The following MTMR11 variants were observed in gnomAD, a reference collection of about 807,000 sequenced individuals.
MTMR11 encodes the protein myotubularin related protein 11, also known as myotubularin-related protein 11.
Under a neutral mutation model 100.0 loss-of-function variants are expected in MTMR11, and 89 were observed. The ratio of observed to expected loss-of-function variants is 0.89; its 90% CI spans 0.75 to 1.06. The LOEUF is 1.06. Among genes scored for constraint, MTMR11 ranks in the 50% least tolerant of loss-of-function variants. The probability of loss-of-function intolerance (pLI) is 0.00; values close to 1 mark genes in which losing one functional copy is unlikely to be tolerated. For missense variants in MTMR11, 809 were observed against 873.7 expected (o/e 0.93, Z 0.93); for synonymous variants, 336 against 326.3 (o/e 1.03, Z -0.32).
Position 149,928,989 on chromosome 1 carries a change from G to A in MTMR11, c.*140C>T, listed in dbSNP as rs587665043. The A allele has an allele frequency of 2.1e-5, 34 of 1,609,400 alleles. No individual in the cohort carries two copies. The East Asian group carries it at 7.6e-4, about 36-fold the overall frequency. ...AAAAATATTTGTAGAAACTAAGCAA[G>A]ACAAGAGTTGGAGCAGTTAACACCA... On this transcript the variant is annotated 3_prime_UTR_variant, in exon 17 of 17. Transcript: ENST00000439741.
rs2092623078 is a variant in MTMR11 at position 149,929,265 on chromosome 1, A to C, written c.1994T>G (p.Leu665Arg). ...ISGLQDELSH[L>R]QELLRKWTPR... Reference sequence around the variant, plus strand: ...TGTCCATTTCCGTAATAACTCCTGAAGATGGGATAGCTCATCCTGGAGGCC... The same window carrying C: ...TGTCCATTTCCGTAATAACTCCTGACGATGGGATAGCTCATCCTGGAGGCC... The change falls in exon 17 of 17, where the codon CTT (leucine) becomes CGT (arginine). Residue 665 changes from leucine to arginine, a missense_variant. By Grantham distance (102) the Leu-to-Arg change is moderately radical (BLOSUM62 -2). Transcript: ENST00000439741. 6.2e-7 allele frequency: 1 copy of C among 1,614,070 alleles called. No homozygotes were observed. Among genetic ancestry groups the C allele is most frequent in the African/African-American group, 1.3e-5 (1 of 74,936 alleles).
intron 15 of MTMR11, 21 bp from the exon 16 acceptor site, chr1:149,929,937 A>C: frequency 6.2e-7 from 1 of 1,600,976 alleles, no homozygotes; most frequent in Non-Finnish European, 8.5e-7. Flanking sequence ...AAGAAAATCA[A>C]CTGGCAACAG....
intron 15 of MTMR11, 62 bp from the exon 16 acceptor site, chr1:149,929,978 TG>T: frequency 1.3e-6 from 2 of 1,533,212 alleles, no homozygotes; most frequent in Non-Finnish European, 1.8e-6. Flanking sequence ...TTCCCCAATC[TG>T]GATCAGGACA....
chr1:149,932,233 T>C, intron 11 of MTMR11, 31 bp downstream of exon 11: 1 of 1,606,142 alleles, frequency 6.2e-7, no homozygotes, highest in Non-Finnish European at 8.5e-7. Flanking sequence ...GGTTGAATTA[T>C]AAATGATGGC....
chr1:149,935,765 A>G, intron 2 of MTMR11, 60 bp from the exon 3 acceptor site: 2 of 1,500,802 alleles, frequency 1.3e-6, no homozygotes, highest in African/African-American at 1.4e-5. Flanking sequence ...ACACTTGGAT[A>G]CACCCACCCC....
chr1:149,935,169 A>G, intron 4 of MTMR11, 41 bp from the exon 5 acceptor site: 1 of 1,612,712 alleles, frequency 6.2e-7, no homozygotes, highest in Non-Finnish European at 8.5e-7. Flanking sequence ...CATGGACCAG[A>G]GTCTCTCCAG....
rs139642077 is a variant in MTMR11 at position 149,929,784 on chromosome 1, G to T, written c.1780C>A (p.Arg594=). Residue 594 remains arginine (R), a synonymous_variant, in exon 16 of 17, where the codon CGA becomes AGA. Transcript: ENST00000439741. Reference sequence around the variant, plus strand: ...AGGCTTTCAGAGGAGATAGCAGGTCGAGGGAGCCAACGAGAAGAGACTGCC... The same window carrying T: ...AGGCTTTCAGAGGAGATAGCAGGTCTAGGGAGCCAACGAGAAGAGACTGCC... ...LLAVSSRWLP[R]PAISSESLAD... The T allele has an allele frequency of 1.9e-6, 3 of 1,614,096 alleles. No individual in the cohort carries two copies. Among genetic ancestry groups the T allele is most frequent in the Non-Finnish European group, 2.5e-6 (3 of 1,180,046 alleles).
chr1:149,930,469 C>A lies in MTMR11; in HGVS notation c.1543G>T (p.Val515Phe). 1.2e-6 allele frequency: 2 copies of A among 1,614,074 alleles called. No homozygotes were observed. Among genetic ancestry groups the A allele is most frequent in the South Asian group, 2.2e-5 (2 of 91,076 alleles). ...AGNSFNLQLS[V>F]WDWDLRYSNA... ...CTATAACGTAAATCCCAGTCCCAGA[C>A]AGACAGCTGCAGGTTAAAAGAGTTC... is the stretch of plus-strand genomic sequence containing the variant. The change falls in exon 15 of 17, where the codon GTC becomes TTC. Residue 515 changes from valine to phenylalanine, a missense_variant. Transcript: ENST00000439741.
At chr1:149,935,533 C>A (rs1267843421) in intron 3 of MTMR11, 51 bp downstream of exon 3, 2 of 1,605,948 alleles carry the variant, frequency 1.2e-6, no homozygotes, top group African/African-American at 1.3e-5. Context: ...CTGCTAGACT[C>A]CCCTACCCAT....
chr1:149,936,054 G>T, intron 2 of MTMR11, 100 bp downstream of exon 2: 1 of 1,317,324 alleles, frequency 7.6e-7, no homozygotes, highest in Non-Finnish European at 1.1e-6. Flanking sequence ...CGTACTTCGA[G>T]CCACGAGAGG....
chr1:149,930,481 G>A lies in MTMR11; in HGVS notation c.1531C>T (p.Leu511=), dbSNP rs782413341. ...TCCCAGTCCCAGACAGACAGCTGCAGGTTAAAAGAGTTCCCAGCTGGAGGC... is the reference window on the plus strand; with the variant it reads ...TCCCAGTCCCAGACAGACAGCTGCAAGTTAAAAGAGTTCCCAGCTGGAGGC... ...SQPPAGNSFN[L]QLSVWDWDLR... is the part of the protein sequence containing the mutation. The change falls in exon 15 of 17, where the codon CTG becomes TTG. Residue 511 remains leucine (L), a synonymous_variant. Transcript: ENST00000439741. The A allele has an allele frequency of 1.1e-5, 18 of 1,614,086 alleles. No individual in the cohort carries two copies. Among genetic ancestry groups the A allele is most frequent in the South Asian group, 3.3e-5 (3 of 91,072 alleles).
intron 15 of MTMR11, chr1:149,930,145 G>T: frequency 3.0e-6 from 2 of 672,736 alleles, no homozygotes; most frequent in Non-Finnish European, 5.0e-6. Context: ...ACAGGAAGAT[G>T]AGTAAACAGA....
chr1:149,934,250 C>T lies in MTMR11; in HGVS notation c.624G>A (p.Lys208=), dbSNP rs1553768437. 5.0e-6 allele frequency: 8 copies of T among 1,614,098 alleles called. No individual in the cohort carries two copies. The highest frequency in any genetic ancestry group is 1.6e-4 in the Middle Eastern group (1 of 6,082). Reference sequence around the variant, plus strand: ...TGACCCTCCAGCCTCTGGCTGCCTGCTTCTTCCGCTCAGTCTCCCAGTCTT... The same window carrying T: ...TGACCCTCCAGCCTCTGGCTGCCTGTTTCTTCCGCTCAGTCTCCCAGTCTT... ...TAEDWETERK[K]QAARGWRVST... is the part of the protein sequence containing the mutation. Residue 208 remains lysine, a synonymous_variant, in exon 7 of 17, where the codon AAG becomes AAA. Transcript: ENST00000439741.
chr1:149,936,413 G>C, intron 1 of MTMR11, 169 bp downstream of exon 1: 1 of 1,447,270 alleles, frequency 6.9e-7, no homozygotes, highest in Non-Finnish European at 9.1e-7. Flanking sequence ...AATGGATAAT[G>C]AGACAACGAA....
chr1:149,936,639 C>T lies in MTMR11; in HGVS notation c.9G>A (p.Trp3Ter), dbSNP rs1553769333. 1.9e-6 allele frequency: 3 copies of T among 1,541,430 alleles called. No homozygotes were observed. In the East Asian group the frequency reaches 7.3e-5, roughly 38 times the overall value. The change falls in exon 1 of 17, where the codon TGG becomes TGA. Residue 3 changes from tryptophan to a stop codon, truncating the protein, a stop_gained. Coordinates refer to ENST00000439741, the MANE Select transcript of MTMR11 (RefSeq NM_001145862.2). LOFTEE classifies it high-confidence loss of function. MW[W>*]GGRGQSFNIA... ...TGTTGAAACTCTGGCCCCGGCCCCC[C>T]CACCACATTTCTCTGGCTCCATCCG...
rs1343675197 is a variant in MTMR11, at chr1:149,935,057, T to C, written c.397A>G (p.Ile133Val). 6.2e-7 allele frequency: 1 copy of C among 1,613,926 alleles called. No homozygotes were observed. The highest frequency in any genetic ancestry group is 8.5e-7 in the Non-Finnish European group (1 of 1,180,036). ...AGCAGCCGGAAGTCTCGGCCATGAATCAGAATCTCCTCAGGGATAAATTTA... is the reference window on the plus strand; with the variant it reads ...AGCAGCCGGAAGTCTCGGCCATGAACCAGAATCTCCTCAGGGATAAATTTA... ...LHKFIPEEIL[I>V]HGRDFRLLRV... Residue 133 changes from isoleucine (I) to valine (V), a missense_variant, in exon 5 of 17, where the codon ATT becomes GTT. Ile to Val is a conservative substitution (Grantham distance 29, BLOSUM62 3). Transcript: ENST00000439741.
chr1:149,936,119 T>G, intron 2 of MTMR11, 35 bp downstream of exon 2: 5 of 1,586,332 alleles, frequency 3.2e-6, no homozygotes, highest in Non-Finnish European at 4.3e-6. Context: ...AGGATGAAAT[T>G]TGGAAGTCTT....
chr1:149,934,509 G>A lies in MTMR11; in HGVS notation c.486C>T (p.Val162=). ...PQAFQVTMAI[V]QARAQSNQAQ... ...CTTGATTGCTCTGAGCTCTGGCTTG[G>A]ACAATGGCCATGGTCACCTGCAGAG... Residue 162 remains valine (V), a synonymous_variant, in exon 6 of 17, where the codon GTC becomes GTT. Transcript: ENST00000439741. 6.2e-7 allele frequency: 1 copy of A among 1,614,194 alleles called. No individual in the cohort carries two copies. The highest frequency in any genetic ancestry group is 8.5e-7 in the Non-Finnish European group (1 of 1,180,028).
chr1:149,935,416 G>C, intron 3 of MTMR11, 57 bp from the exon 4 acceptor site: 1 of 1,601,738 alleles, frequency 6.2e-7, no homozygotes, highest in South Asian at 1.1e-5. Context: ...TTCCTACCCT[G>C]GCAGCCCCAA....
Sources: allele counts gnomAD v4.1 joint callset, GRCh38; gene constraint gnomAD v4.1.1; transcripts MANE v1.5; gene names NCBI Gene and HGNC (gene_info 2026-07-23, HGNC 2026-07-21).